DDX21: variants seen among roughly 807,000 people sequenced by gnomAD.
DDX21 encodes nucleolar RNA helicase 2.
In DDX21, 18 loss-of-function variants were observed where a neutral mutation model predicts 90.0. The observed-to-expected ratio is 0.20, with a 90% confidence interval of 0.14 to 0.30. The LOEUF (loss-of-function observed/expected upper bound fraction) is 0.30, where lower values mean the gene tolerates loss of function less well. Among genes scored for constraint, DDX21 ranks in the 10% least tolerant of loss-of-function variants. The pLI is 1.00. For missense variants in DDX21, 673 were observed against 944.5 expected (o/e 0.71, Z 3.77); for synonymous variants, 294 against 318.0 (o/e 0.92, Z 0.80).
At chr10:68,964,042 G>A (rs1334145883) in intron 4 of DDX21, 4 of 310,078 alleles carry the variant, frequency 1.3e-5, no homozygotes, top group Non-Finnish European at 2.5e-5. Flanking sequence ...GGAGCTTGCA[G>A]TGAGCCGAGA....
At chr10:68,980,693 A>G (rs1843172853) in intron 13 of DDX21, among the ~76,000 whole-genome samples, 1 of 152,054 alleles carries the variant, frequency 6.6e-6, no homozygotes, top group Non-Finnish European at 1.5e-5. Context: ...TTGATTGGAG[A>G]GGATGGCACT....
At position 68,971,903 on chromosome 10, in the gene DDX21, T is replaced by G. The variant is rs1220285378; in HGVS notation, c.1399T>G (p.Leu467Val). ...NSAIKQDAQS[L>V]HGDIPQKQRE... ...TATTTATTGGCAGGATGCTCAGTCC[T>G]TGCATGGAGACATTCCACAGAAGCA... is the stretch of plus-strand genomic sequence containing the variant. The change falls in exon 9 of 15, where the codon TTG (leucine) becomes GTG (valine). Residue 467 changes from leucine (L) to valine (V), a missense_variant. Physicochemically the swap from Leu to Val is conservative, Grantham distance 32 (BLOSUM62 1). Coordinates refer to ENST00000354185, the MANE Select transcript of DDX21 (RefSeq NM_004728.4). 6.2e-7 allele frequency: 1 copy of G among 1,614,092 alleles called. No individual in the cohort carries two copies. Among genetic ancestry groups the G allele is most frequent in the Non-Finnish European group, 8.5e-7 (1 of 1,179,964 alleles).
intron 12 of DDX21, 146 bp from the exon 13 acceptor site, chr10:68,978,696 G>C: frequency 9.8e-7 from 1 of 1,024,192 alleles, no homozygotes; most frequent in Non-Finnish European, 1.4e-6. Flanking sequence ...AGTAAAACGA[G>C]GGACTGTTCG....
At chr10:68,974,079 G>A (rs1328994630) in intron 10 of DDX21, among the ~76,000 whole-genome samples, 1 of 152,182 alleles carries the variant, frequency 6.6e-6, no homozygotes, top group Non-Finnish European at 1.5e-5. Context: ...TTCCTCTTGA[G>A]TGGACTGCAC....
chr10:68,957,008 C>G (rs1489609942), intron 1 of DDX21, among the ~76,000 whole-genome samples: 1 of 150,274 alleles, frequency 6.7e-6, no homozygotes, highest in Non-Finnish European at 1.5e-5. Flanking sequence ...CGCCACTGCA[C>G]GTCAGCCTGG....
At chr10:68,979,362 G>T (rs1477000969) in intron 13 of DDX21, among the ~76,000 whole-genome samples, 1 of 152,006 alleles carries the variant, frequency 6.6e-6, no homozygotes, top group Non-Finnish European at 1.5e-5. Flanking sequence ...TTCTTCTGAG[G>T]CCTTCTCTTT....
chr10:68,966,873 C>T (rs900996936), intron 5 of DDX21, 145 bp from the exon 6 acceptor site: 1 of 550,872 alleles, frequency 1.8e-6, no homozygotes, highest in African/African-American at 1.9e-5. Context: ...CCATGAGTAT[C>T]TTTATCATTA....
chr10:68,964,665 T>C (rs997810630), intron 4 of DDX21, among the ~76,000 whole-genome samples: 41 of 148,280 alleles, frequency 2.8e-4, no homozygotes, highest in African/African-American at 9.9e-4. Flanking sequence ...CCTGGACTTT[T>C]TTTTTTTTTT....
chr10:68,981,943 G>A (rs1368730042), intron 14 of DDX21, among the ~76,000 whole-genome samples: 3 of 152,038 alleles, frequency 2.0e-5, no homozygotes, highest in Non-Finnish European at 4.4e-5. Context: ...GTGCAATCTC[G>A]GTTCACTGCT....
chr10:68,959,816 A>G lies in DDX21; in HGVS notation c.98A>G (p.Lys33Arg). Residue 33 changes from lysine to arginine, a missense_variant, in exon 2 of 15, where the codon AAA (lysine) becomes AGA (arginine). Coordinates refer to ENST00000354185, the MANE Select transcript of DDX21 (RefSeq NM_004728.4). Reference protein sequence around the residue: ...LRKQTEEKEKKEKPKSDKTEE... With the variant: ...LRKQTEEKEKREKPKSDKTEE... ...ATGAATTTTTTTTAGAAAGAGAAAA[A>G]AGAGAAGCCAAAATCTGATAAGACT... 3 of 1,532,882 alleles carry G rather than the reference A, an allele frequency of 2.0e-6. No homozygotes were observed. The highest frequency in any genetic ancestry group is 2.6e-6 in the Non-Finnish European group (3 of 1,150,316). The allele number at this position is 1,532,882 out of a possible 1,614,324, so 95.0% of individuals were successfully genotyped here. A position where few individuals can be genotyped will look rare whatever the true frequency, so the allele number is the denominator to read the frequency against.
chr10:68,963,224 C>G (rs1041598295), intron 3 of DDX21, 67 bp from the exon 4 acceptor site: 4 of 1,469,526 alleles, frequency 2.7e-6, no homozygotes, highest in East Asian at 4.6e-5. Context: ...TAGTATACTT[C>G]AGTATGTCAG....
At chr10:68,964,173 C>A in intron 4 of DDX21, 1 of 402,510 alleles carries the variant, frequency 2.5e-6, no homozygotes, top group Non-Finnish European at 4.8e-6. Flanking sequence ...GCCAAGCCCC[C>A]ATATTAGGGT....
At chr10:68,977,470 T>C in intron 11 of DDX21, 59 bp from the exon 12 acceptor site, 1 of 1,458,102 alleles carries the variant, frequency 6.9e-7, no homozygotes, top group Admixed American at 2.3e-5. Flanking sequence ...TGAGATGTCT[T>C]AGAAATGAAA....
intron 1 of DDX21, among the ~76,000 whole-genome samples, chr10:68,959,564 T>A (rs1842845755): frequency 6.6e-6 from 1 of 152,214 alleles, no homozygotes; most frequent in Non-Finnish European, 1.5e-5. Flanking sequence ...ACTCTTCATT[T>A]TCCAAGATAG....
At chr10:68,957,610 G>C (rs1842816167) in intron 1 of DDX21, among the ~76,000 whole-genome samples, 1 of 152,194 alleles carries the variant, frequency 6.6e-6, no homozygotes, top group South Asian at 2.1e-4. Context: ...AGTCAATTGC[G>C]TTCAATTTGG....
intron 13 of DDX21, among the ~76,000 whole-genome samples, chr10:68,980,540 T>G (rs1028776662): frequency 3.3e-5 from 5 of 152,160 alleles, no homozygotes; most frequent in Non-Finnish European, 7.3e-5. Context: ...AATCCACCAG[T>G]AGGTGATGAT....
chr10:68,969,267 A>G (rs1842987226), intron 7 of DDX21, 146 bp downstream of exon 7: 1 of 818,296 alleles, frequency 1.2e-6, no homozygotes, highest in Admixed American at 3.3e-5. Context: ...TTTGAGCTGT[A>G]TATGATATCT....
At chr10:68,967,275 G>A in intron 6 of DDX21, 72 bp downstream of exon 6, 1 of 1,472,392 alleles carries the variant, frequency 6.8e-7, no homozygotes. Context: ...CTGGGTTCAA[G>A]TGACTCTCAT....
At chr10:68,979,089 C>T (rs958145147) in intron 13 of DDX21, 113 bp downstream of exon 13, 2 of 1,441,274 alleles carry the variant, frequency 1.4e-6, no homozygotes, top group South Asian at 2.7e-5. Context: ...ACTCTCTCAT[C>T]TTCCCTGGGT....
Sources: gnomAD v4.1 joint callset for allele counts (sites outside exome capture counted in the v4.1 genomes callset) on GRCh38, gnomAD v4.1.1 for gene constraint, MANE v1.5 for transcripts, NCBI Gene and HGNC (gene_info 2026-07-23, HGNC 2026-07-21) for gene names.